Variants in GRIP1 observed in about 807,000 individuals in gnomAD.
GRIP1 encodes the protein glutamate receptor-interacting protein 1.
A neutral mutation model predicts 129.9 loss-of-function variants in GRIP1; 45 were observed. The ratio of observed to expected loss-of-function variants is 0.35; its 90% CI spans 0.27 to 0.44. The LOEUF (loss-of-function observed/expected upper bound fraction) is 0.44. GRIP1 is among the 20% of genes least tolerant of loss of function. GRIP1 has a pLI of 1.00. For missense variants in GRIP1, 1,196 were observed against 1,396.8 expected (o/e 0.86, Z 2.29); for synonymous variants, 530 against 520.8 (o/e 1.02, Z -0.24).
At chr12:66,506,426 C>T (rs915878292) in intron 7 of GRIP1, among the ~76,000 whole-genome samples, 1 of 152,028 alleles carries the variant, frequency 6.6e-6, no homozygotes, top group Admixed American at 6.6e-5. Flanking sequence ...GGCAAAAGAA[C>T]CCAGCTACCA....
At chr12:66,661,798 T>C (rs564835361) in intron 1 of GRIP1, among the ~76,000 whole-genome samples, 1 of 152,286 alleles carries the variant, frequency 6.6e-6, no homozygotes, top group Admixed American at 6.5e-5. Flanking sequence ...TCTATAGTTA[T>C]CAACCCATTC....
intron 1 of GRIP1, among the ~76,000 whole-genome samples, chr12:66,824,238 C>T (rs749412031): frequency 6.6e-6 from 1 of 152,198 alleles, no homozygotes; most frequent in Non-Finnish European, 1.5e-5. Flanking sequence ...TACTAACAAC[C>T]CTCCCCATCA....
chr12:66,684,196 A>G (rs1465133655), intron 1 of GRIP1, among the ~76,000 whole-genome samples: 3 of 152,206 alleles, frequency 2.0e-5, no homozygotes, highest in Non-Finnish European at 4.4e-5. Flanking sequence ...ACACTTGCTT[A>G]CAGAACCCAG....
intron 1 of GRIP1, among the ~76,000 whole-genome samples, chr12:66,774,543 G>T (rs2037919125): frequency 6.6e-6 from 1 of 152,184 alleles, no homozygotes; most frequent in East Asian, 1.9e-4. Context: ...ATATGCACAG[G>T]CCTAAGCAAG....
chr12:66,506,877 C>CTT (rs71069008), intron 7 of GRIP1, among the ~76,000 whole-genome samples: 63 of 150,790 alleles, frequency 4.2e-4, no homozygotes, highest in South Asian at 2.1e-3. Context: ...AAAAATAAAC[C>CTT]TTTTTTTTTC....
At chr12:66,767,676 G>C (rs766392038) in intron 1 of GRIP1, among the ~76,000 whole-genome samples, 1 of 151,958 alleles carries the variant, frequency 6.6e-6, no homozygotes, top group Non-Finnish European at 1.5e-5. Context: ...ACCAACATGA[G>C]AGAAAATTAC....
intron 1 of GRIP1, among the ~76,000 whole-genome samples, chr12:66,697,935 G>A (rs1275335697): frequency 6.6e-6 from 1 of 152,092 alleles, no homozygotes; most frequent in African/African-American, 2.4e-5. Context: ...TGATCCTCTT[G>A]TTATCGATCT....
chr12:66,999,477 T>C (rs1036609653), intron 1 of GRIP1, among the ~76,000 whole-genome samples: 3 of 152,178 alleles, frequency 2.0e-5, no homozygotes, highest in African/African-American at 4.8e-5. Context: ...CCTCTCTATA[T>C]AATAAACGCT....
chr12:66,703,862 G>A (rs1395232220), intron 1 of GRIP1, among the ~76,000 whole-genome samples: 1 of 151,926 alleles, frequency 6.6e-6, no homozygotes, highest in Non-Finnish European at 1.5e-5. Context: ...GTGGGGAGAG[G>A]GAAATGAGGA....
At position 66,578,232 on chromosome 12, in the gene GRIP1, G is replaced by GTTTTTTTTTTTTTTTTTTTTTTTTT. The variant is rs547352236; in HGVS notation, c.136+18614_136+18615insAAAAAAAAAAAAAAAAAAAAAAAAA. Among the ~76,000 whole-genome samples, 2 of 102,514 alleles carry GTTTTTTTTTTTTTTTTTTTTTTTTT rather than the reference G, an allele frequency of 2.0e-5. 1 individual carries two copies. The allele number at this position is 102,514 out of a possible 152,430, so 67.3% of individuals were successfully genotyped here. ...GCCTGACTAATATGGCAAAACCGCG[G>GTTTTTTTTTTTTTTTTTTTTTTTTT]TTTTTTTTTTTTTTTTTGTAAAAAT... On this transcript the variant is annotated intron_variant, in intron 2 of 24. Coordinates refer to ENST00000359742, the MANE Select transcript of GRIP1 (RefSeq NM_001366722.1).
chr12:66,483,946 G>A (rs11176219), intron 7 of GRIP1, among the ~76,000 whole-genome samples: 6,479 of 150,560 alleles, frequency 0.043, 353 homozygotes, highest in African/African-American at 0.12. Context: ...TGCAAGCTCC[G>A]CCTCCCGGGT....
chr12:66,826,533 T>C (rs1250719556), intron 1 of GRIP1, among the ~76,000 whole-genome samples: 1 of 151,866 alleles, frequency 6.6e-6, no homozygotes, highest in Non-Finnish European at 1.5e-5. Flanking sequence ...ATTAGGCAGA[T>C]TGAACTGAAC....
At chr12:66,915,267 T>C (rs80210676) in intron 1 of GRIP1, among the ~76,000 whole-genome samples, 2 of 152,306 alleles carry the variant, frequency 1.3e-5, no homozygotes, top group South Asian at 4.1e-4. Flanking sequence ...ATGTTGTCAT[T>C]TTCTTTCTAG....
In GRIP1 at chr12:66,613,823, G is replaced by A. The variant is rs373608330; in HGVS notation, c.56-16896C>T. ...ACTTAGGTTTCTTCTGTGCAAGGATGAAATAAAATGCTTTTGCATCCTGGA... is the reference window on the plus strand; with the variant it reads ...ACTTAGGTTTCTTCTGTGCAAGGATAAAATAAAATGCTTTTGCATCCTGGA... On this transcript the variant is annotated intron_variant, in intron 1 of 24. Coordinates refer to ENST00000359742, the MANE Select transcript of GRIP1 (RefSeq NM_001366722.1). Among the ~76,000 whole-genome samples, 40 of 152,260 alleles carry A rather than the reference G, an allele frequency of 2.6e-4. 1 individual carries two copies. The highest frequency in any genetic ancestry group is 8.9e-4 in the African/African-American group (37 of 41,562).
At chr12:66,705,548 A>G (rs1363496004) in intron 1 of GRIP1, among the ~76,000 whole-genome samples, 1 of 152,204 alleles carries the variant, frequency 6.6e-6, no homozygotes. Context: ...AGAATTAGAA[A>G]AAACTATTTT....
chr12:67,006,501 C>T (rs2042628705), intron 1 of GRIP1, among the ~76,000 whole-genome samples: 2 of 151,980 alleles, frequency 1.3e-5, no homozygotes, highest in South Asian at 4.2e-4. Flanking sequence ...AGTGAGAGAT[C>T]GCTGAAATCT....
rs770851506 is a variant in GRIP1 at position 66,377,055 on chromosome 12, C to T, written c.2740G>A (p.Ala914Thr). The T allele has an allele frequency of 6.2e-7, 1 of 1,612,272 alleles. No individual in the cohort carries two copies. Among genetic ancestry groups the T allele is most frequent in the East Asian group, 2.2e-5 (1 of 44,880 alleles). Residue 914 changes from alanine (A) to threonine (T), a missense_variant, in exon 22 of 25, where the codon GCT (alanine) becomes ACT (threonine). By Grantham distance (58) the Ala-to-Thr change is moderately conservative (BLOSUM62 0). Around this residue, in one of 5 missense-constraint regions of GRIP1, gnomAD observed 427 missense variants for 463.3 expected, o/e 0.92. Transcript: ENST00000359742. ...TTTCTCAAAGACACACGCCTGTCAG[C>T]TTTCTCCTGTGGAAAGGGTTAAAGC... ...SGILRELEEK[A>T]DRRVSLRNMT...
chr12:66,394,602 A>G (rs1010626789), intron 16 of GRIP1, among the ~76,000 whole-genome samples: 1 of 152,228 alleles, frequency 6.6e-6, no homozygotes, highest in Non-Finnish European at 1.5e-5. Flanking sequence ...AGATCCGCCC[A>G]GCTGGGGCTG....
At chr12:66,490,621 A>G (rs1010305684) in intron 7 of GRIP1, among the ~76,000 whole-genome samples, 3 of 152,168 alleles carry the variant, frequency 2.0e-5, no homozygotes, top group Admixed American at 2.0e-4. Context: ...AATGAGATCT[A>G]ATTAAACTAA....
Sources: gnomAD v4.1 joint callset for allele counts (sites outside exome capture counted in the v4.1 genomes callset) on GRCh38, gnomAD v4.1.1 for gene constraint, gnomAD v4.1.1 regional missense constraint, MANE v1.5 for transcripts, NCBI Gene and HGNC (gene_info 2026-07-23, HGNC 2026-07-21) for gene names.